SEMA5A: variants seen among roughly 807,000 people sequenced by gnomAD.
SEMA5A encodes the protein semaphorin 5A.
In SEMA5A, 55 loss-of-function variants were observed where a neutral mutation model predicts 135.5. The ratio of observed to expected loss-of-function variants is 0.41; its 90% CI spans 0.33 to 0.51. The LOEUF (loss-of-function observed/expected upper bound fraction) is 0.51, where lower values mean the gene tolerates loss of function less well. Ranked by LOEUF, SEMA5A falls within the 20% of genes least tolerant of loss-of-function variation. The probability of loss-of-function intolerance (pLI) is 0.37; values close to 1 mark genes in which losing one functional copy is unlikely to be tolerated. For synonymous variants in SEMA5A, 580 were observed against 546.5 expected (o/e 1.06, Z -0.85); for missense variants, 1,290 against 1,419.9 (o/e 0.91, Z 1.47).
At chr5:9,141,387 A>G (rs1453034068) in intron 12 of SEMA5A, among the ~76,000 whole-genome samples, 3 of 152,218 alleles carry the variant, frequency 2.0e-5, no homozygotes, top group Non-Finnish European at 4.4e-5. Flanking sequence ...CATATGTCAT[A>G]GCATCATTTT....
At chr5:9,110,864 G>A (rs1740201262) in intron 15 of SEMA5A, among the ~76,000 whole-genome samples, 2 of 152,098 alleles carry the variant, frequency 1.3e-5, no homozygotes, top group Non-Finnish European at 2.9e-5. Flanking sequence ...TCAGAGCTCA[G>A]GGCCACTGGA....
intron 13 of SEMA5A, among the ~76,000 whole-genome samples, chr5:9,126,378 G>A (rs758871459): frequency 2.6e-5 from 4 of 152,106 alleles, no homozygotes; most frequent in Non-Finnish European, 1.5e-5. Flanking sequence ...GACATTGGAT[G>A]TGAGGAAGGT....
intron 3 of SEMA5A, chr5:9,363,141 G>A (rs2126389369): frequency 6.6e-6 from 1 of 152,288 alleles, no homozygotes; most frequent in African/African-American, 2.4e-5. Context: ...ATATTACTTT[G>A]TGTGGTTATG....
At chr5:9,431,163 G>C (rs1757843786) in intron 2 of SEMA5A, among the ~76,000 whole-genome samples, 1 of 152,088 alleles carries the variant, frequency 6.6e-6, no homozygotes, top group Non-Finnish European at 1.5e-5. Flanking sequence ...AAACATCACT[G>C]TAGTAAGGAG....
intron 11 of SEMA5A, among the ~76,000 whole-genome samples, chr5:9,158,192 T>A (rs955142912): frequency 6.6e-6 from 1 of 152,224 alleles, no homozygotes; most frequent in Non-Finnish European, 1.5e-5. Flanking sequence ...TAAAGAGCGC[T>A]GATTAATATT....
intron 3 of SEMA5A, among the ~76,000 whole-genome samples, chr5:9,347,985 C>A (rs1356651694): frequency 6.6e-6 from 1 of 152,138 alleles, no homozygotes; most frequent in African/African-American, 2.4e-5. Flanking sequence ...CAATTCTTTG[C>A]ATGATTTTCA....
rs1745899380 is a variant in SEMA5A, at chr5:9,204,459, G to A, written c.647-2219C>T. Among the ~76,000 whole-genome samples, 1 of 152,222 alleles carries A rather than the reference G, an allele frequency of 6.6e-6. No individual in the cohort carries two copies. The highest frequency in any genetic ancestry group is 1.5e-5 in the Non-Finnish European group (1 of 68,028). On this transcript the variant is annotated intron_variant, in intron 8 of 22. Coordinates refer to ENST00000382496, the MANE Select transcript of SEMA5A (RefSeq NM_003966.3). This position sits in a 1 kb window ranked among gnomAD's most constrained non-coding sequence, Gnocchi z 6.4. ...AAACGAGAAGATACAAAGGAAGAAA[G>A]ATCTTTTATGGTTTCCAGCTGAAGG...
At chr5:9,520,222 C>T (rs1268474416) in intron 1 of SEMA5A, among the ~76,000 whole-genome samples, 2 of 152,218 alleles carry the variant, frequency 1.3e-5, no homozygotes, top group African/African-American at 4.8e-5. Flanking sequence ...TAAGCACCTA[C>T]TCCAGGCCAG....
At chr5:9,293,971 A>T (rs923399533) in intron 5 of SEMA5A, among the ~76,000 whole-genome samples, 28 of 152,328 alleles carry the variant, frequency 1.8e-4, no homozygotes, top group African/African-American at 6.7e-4. Flanking sequence ...CCATACAGTT[A>T]TTCTCCATGA....
At chr5:9,223,555 C>G (rs968449583) in intron 8 of SEMA5A, among the ~76,000 whole-genome samples, 1 of 152,126 alleles carries the variant, frequency 6.6e-6, no homozygotes, top group Non-Finnish European at 1.5e-5. Flanking sequence ...ACAAGACCCA[C>G]CCCCCAGTCC....
intron 5 of SEMA5A, among the ~76,000 whole-genome samples, chr5:9,242,053 T>A (rs750202663): frequency 1.2e-4 from 19 of 152,344 alleles, no homozygotes; most frequent in Non-Finnish European, 2.4e-4. Flanking sequence ...TTTTCATATG[T>A]TTACATTCAT....
At chr5:9,480,930 T>C (rs1759852348) in intron 1 of SEMA5A, among the ~76,000 whole-genome samples, 1 of 151,908 alleles carries the variant, frequency 6.6e-6, no homozygotes, top group African/African-American at 2.4e-5. Context: ...CTAGAAAACA[T>C]GGTTTTTTGT....
At chr5:9,370,515 G>A (rs1755093581) in intron 3 of SEMA5A, among the ~76,000 whole-genome samples, 1 of 152,146 alleles carries the variant, frequency 6.6e-6, no homozygotes, top group Non-Finnish European at 1.5e-5. Context: ...ACTTGCCCCT[G>A]AGTCATATGA....
intron 21 of SEMA5A, among the ~76,000 whole-genome samples, chr5:9,046,416 T>C (rs908994094): frequency 6.6e-6 from 1 of 152,270 alleles, no homozygotes; most frequent in Admixed American, 6.5e-5. Context: ...CTGAGCTGTC[T>C]TCCCTGTGCT....
At chr5:9,537,495 C>A (rs76416004) in intron 1 of SEMA5A, among the ~76,000 whole-genome samples, 2 of 152,316 alleles carry the variant, frequency 1.3e-5, no homozygotes, top group East Asian at 3.9e-4. Context: ...ATGTCACCCA[C>A]CCCACTGCCA....
chr5:9,245,969 C>T (rs1805953), intron 5 of SEMA5A, among the ~76,000 whole-genome samples: 56,372 of 151,444 alleles, frequency 0.37, 10,836 homozygotes, highest in East Asian at 0.47. Context: ...CTGGGATGAT[C>T]TTTTGAAAGA....
rs573649708 is a variant in SEMA5A, at chr5:9,170,898, G to T, written c.1274-16203C>A. On this transcript the variant is annotated intron_variant, in intron 11 of 22. Transcript: ENST00000382496. ...AGTTTCCAGCCATCCTTTGGGTGGT[G>T]CCCTGTACAGAGTTTGACATGAAGC... Among the ~76,000 whole-genome samples, 14 of 152,250 alleles carry T rather than the reference G, an allele frequency of 9.2e-5. No homozygotes were observed. In the South Asian group the frequency reaches 2.9e-3, roughly 32 times the overall value.
chr5:9,307,056 C>A (rs192672333), intron 5 of SEMA5A, among the ~76,000 whole-genome samples: 1 of 152,230 alleles, frequency 6.6e-6, no homozygotes, highest in East Asian at 1.9e-4. Flanking sequence ...GGGCAACTTG[C>A]CTCTGCGATC....
chr5:9,074,234 C>T (rs1240245689), intron 16 of SEMA5A, among the ~76,000 whole-genome samples: 2 of 152,094 alleles, frequency 1.3e-5, no homozygotes, highest in African/African-American at 4.8e-5. Flanking sequence ...TGTGCAAAGG[C>T]AATTCAATGG....
Sources: gnomAD v4.1 joint callset for allele counts (sites outside exome capture counted in the v4.1 genomes callset) on GRCh38, gnomAD v4.1.1 for gene constraint, Gnocchi (gnomAD v3.1) non-coding constraint, MANE v1.5 for transcripts, NCBI Gene and HGNC (gene_info 2026-07-23, HGNC 2026-07-21) for gene names.